NCBP3: variants seen among roughly 807,000 people sequenced by gnomAD.
NCBP3 encodes the protein nuclear cap-binding protein subunit 3.
Under a neutral mutation model 75.7 loss-of-function variants are expected in NCBP3, and 20 were observed. The ratio of observed to expected loss-of-function variants is 0.26; its 90% CI spans 0.19 to 0.38. The LOEUF is 0.38. Ranked by LOEUF, NCBP3 falls within the 10% of genes least tolerant of loss-of-function variation. NCBP3 has a pLI of 1.00. For missense variants in NCBP3, 678 were observed against 796.9 expected (o/e 0.85, Z 1.80); for synonymous variants, 293 against 290.5 (o/e 1.01, Z -0.09).
At chr17:3,837,323 C>T (rs573340682) in intron 3 of NCBP3, among the ~76,000 whole-genome samples, 3 of 151,694 alleles carry the variant, frequency 2.0e-5, no homozygotes, top group Non-Finnish European at 4.4e-5. Flanking sequence ...ATGGTGAAAC[C>T]CCATCTCTAC....
rs922226950 is a variant in NCBP3, at chr17:3,810,711, G to A, written c.*2333C>T. On this transcript the variant is annotated 3_prime_UTR_variant, in exon 13 of 13. Transcript: ENST00000389005. ...CCGAGAAGTAAAAATCTTTAAAGCT[G>A]CCTTTCTGGGTTCTCTCTGTGTGTC... 11 of 152,182 alleles carry A rather than the reference G, an allele frequency of 7.2e-5. No individual in the cohort carries two copies. Among genetic ancestry groups the A allele is most frequent in the African/African-American group, 1.4e-4 (6 of 41,436 alleles). 9.4% of individuals were successfully genotyped at this position (152,182 alleles called of 1,614,324 possible).
In NCBP3 at chr17:3,804,156, T is replaced by C. The variant is rs2053312436; in HGVS notation, c.*8888A>G. 6.6e-6 allele frequency: 1 copy of C among 152,220 alleles called. No homozygotes were observed. The highest frequency in any genetic ancestry group is 1.5e-5 in the Non-Finnish European group (1 of 68,032). The allele number at this position is 152,220 out of a possible 1,614,324, so 9.4% of individuals were successfully genotyped here. On this transcript the variant is annotated 3_prime_UTR_variant, in exon 13 of 13. Transcript: ENST00000389005. ...TTGGGAAAGCTTGAGCCCAGGAGTTTGAGTCCAATCTAGACAACATAGTAT... is the reference window on the plus strand; with the variant it reads ...TTGGGAAAGCTTGAGCCCAGGAGTTCGAGTCCAATCTAGACAACATAGTAT...
At chr17:3,834,245 A>G (rs1157411456) in intron 3 of NCBP3, among the ~76,000 whole-genome samples, 1 of 152,228 alleles carries the variant, frequency 6.6e-6, no homozygotes, top group African/African-American at 2.4e-5. Flanking sequence ...CTGACCATAG[A>G]CTGTCCAGGG....
rs1460094987 is a variant in NCBP3 at position 3,818,142 on chromosome 17, ACTC to A, written c.1310+118_1310+120del. On this transcript the variant is annotated intron_variant, in intron 10 of 12. Transcript: ENST00000389005. The surrounding 1 kb of genome is among the most constrained non-coding windows in gnomAD (Gnocchi z 4.7). ...AGGAAATACTGGATGCGTTTATTAA[ACTC>A]CTACAAGGGACTGAAATCAGAATAG... is the stretch of plus-strand genomic sequence containing the variant. 2.4e-6 allele frequency: 2 copies of A among 828,954 alleles called. No homozygotes were observed. The highest frequency in any genetic ancestry group is 5.8e-5 in the East Asian group (2 of 34,534). The allele number at this position is 828,954 out of a possible 1,614,324, so 51.3% of individuals were successfully genotyped here.
chr17:3,845,464 G>C (rs1485987871), intron 1 of NCBP3, among the ~76,000 whole-genome samples: 1 of 152,186 alleles, frequency 6.6e-6, no homozygotes, highest in African/African-American at 2.4e-5. Flanking sequence ...TTCATTAAGA[G>C]TCAGATGCTG....
In NCBP3 at chr17:3,809,610, G is replaced by A. The variant is rs1010098074; in HGVS notation, c.*3434C>T. 23 of 152,402 alleles carry A rather than the reference G, an allele frequency of 1.5e-4. No homozygotes were observed. Among genetic ancestry groups the A allele is most frequent in the African/African-American group, 4.8e-4 (20 of 41,576 alleles). 9.4% of individuals were successfully genotyped at this position (152,402 alleles called of 1,614,324 possible). Reference sequence around the variant, plus strand: ...AATCCCAGCTACTCTGGAGGCTGAGGCAGGAGAATCGCTTGAACCCCGGAG... The same window carrying A: ...AATCCCAGCTACTCTGGAGGCTGAGACAGGAGAATCGCTTGAACCCCGGAG... On this transcript the variant is annotated 3_prime_UTR_variant, in exon 13 of 13. Transcript: ENST00000389005.
intron 7 of NCBP3, chr17:3,824,013 G>T (rs2053722738): frequency 1.3e-5 from 2 of 152,252 alleles, no homozygotes; most frequent in South Asian, 4.1e-4. Flanking sequence ...TGGGAGGATA[G>T]AAGTAGTTTC....
chr17:3,838,156 T>C (rs546528696), intron 3 of NCBP3, among the ~76,000 whole-genome samples: 12 of 152,164 alleles, frequency 7.9e-5, no homozygotes, highest in Middle Eastern at 3.4e-3. Context: ...CCTAAAGAGC[T>C]CCAACAGATG....
In NCBP3 at chr17:3,816,304, C is replaced by T. The variant is rs762137172; in HGVS notation, c.1311-34G>A. The T allele has an allele frequency of 2.1e-5, 34 of 1,582,012 alleles. No individual in the cohort carries two copies. In the Middle Eastern group the frequency reaches 8.4e-4, roughly 39 times the overall value. ...AGGGGGTAGGATGGGGCACAGTTAA[C>T]CAACTTCAACTGTGAGACAAGACCC... On this transcript the variant is annotated intron_variant, in intron 10 of 12. Coordinates refer to ENST00000389005, the MANE Select transcript of NCBP3 (RefSeq NM_001114118.3).
In NCBP3 at chr17:3,835,130, G is replaced by A. The variant is rs78751881; in HGVS notation, c.355+4970C>T. Reference sequence around the variant, plus strand: ...GCTAGGAGCTGAAAGGTAGAGTTACGATGAAAATGCACTCAGCAGACTGAA... The same window carrying A: ...GCTAGGAGCTGAAAGGTAGAGTTACAATGAAAATGCACTCAGCAGACTGAA... On this transcript the variant is annotated intron_variant, in intron 3 of 12. Coordinates refer to ENST00000389005, the MANE Select transcript of NCBP3 (RefSeq NM_001114118.3). Among the ~76,000 whole-genome samples, 12 of 152,310 alleles carry A rather than the reference G, an allele frequency of 7.9e-5. No homozygotes were observed. In the East Asian group the frequency reaches 1.3e-3, roughly 17 times the overall value.
chr17:3,813,503 G>A (rs1216368514), intron 12 of NCBP3, among the ~76,000 whole-genome samples: 1 of 152,112 alleles, frequency 6.6e-6, no homozygotes, highest in Non-Finnish European at 1.5e-5. Context: ...CTCACCGTGG[G>A]GGGACAGGTC....
chr17:3,831,996 C>A (rs1427149744), intron 3 of NCBP3, among the ~76,000 whole-genome samples: 1 of 119,980 alleles, frequency 8.3e-6, no homozygotes, highest in African/African-American at 2.5e-5. Context: ...TCAGCCTGGA[C>A]AACATGATGA....
Position 3,813,207 on chromosome 17 carries a change from G to T in NCBP3, c.1700C>A (p.Ala567Glu). Residue 567 changes from alanine to glutamate, a missense_variant, in exon 13 of 13, where the codon GCG becomes GAG. Ala to Glu is a moderately radical substitution (Grantham distance 107). This residue lies in a region of NCBP3 where 365 missense variants were observed against 392.7 expected (regional missense o/e 0.93). Transcript: ENST00000389005. ...EKNTKKVDHRAPGAEEDDSEL... is the reference protein window; with the variant it reads ...EKNTKKVDHREPGAEEDDSEL... The stretch of plus-strand genomic sequence containing the variant: ...AGAGTCGTCTTCCTCAGCGCCAGGC[G>T]CCCTGTGATCCACTTTCTTCGTATT... The T allele has an allele frequency of 1.2e-6, 2 of 1,614,226 alleles. No individual in the cohort carries two copies. Among genetic ancestry groups the T allele is most frequent in the South Asian group, 2.2e-5 (2 of 91,090 alleles).
Position 3,804,165 on chromosome 17 carries a change from T to C in NCBP3, c.*8879A>G, listed in dbSNP as rs1199207440. ...CTTGAGCCCAGGAGTTTGAGTCCAATCTAGACAACATAGTATGAACCTGTC... is the reference window on the plus strand; with the variant it reads ...CTTGAGCCCAGGAGTTTGAGTCCAACCTAGACAACATAGTATGAACCTGTC... On this transcript the variant is annotated 3_prime_UTR_variant, in exon 13 of 13. Coordinates refer to ENST00000389005, the MANE Select transcript of NCBP3 (RefSeq NM_001114118.3). The C allele has an allele frequency of 1.3e-5, 2 of 152,126 alleles. No homozygotes were observed. Among genetic ancestry groups the C allele is most frequent in the African/African-American group, 2.4e-5 (1 of 41,424 alleles). The allele number at this position is 152,126 out of a possible 1,614,324, so 9.4% of individuals were successfully genotyped here. A position where few individuals can be genotyped will look rare whatever the true frequency, so the allele number is the denominator to read the frequency against.
Position 3,826,119 on chromosome 17 carries a change from C to A in NCBP3, c.578G>T (p.Ser193Ile). Residue 193 changes from serine to isoleucine, a missense_variant, in exon 5 of 13, where the codon AGT becomes ATT. Ser to Ile is a moderately radical substitution (Grantham distance 142). Transcript: ENST00000389005. The stretch of plus-strand genomic sequence containing the variant: ...CCTTTTCTCAGCTGACTTGTCCTCA[C>A]TGGCATCCCTGCTTCTGATCTTATC... ...AQDKIRSRDA[S>I]EDKSAEKRKK... is the part of the protein sequence containing the mutation. 3 of 1,551,634 alleles carry A rather than the reference C, an allele frequency of 1.9e-6. No homozygotes were observed. The highest frequency in any genetic ancestry group is 2.4e-5 in the South Asian group (2 of 84,060).
At chr17:3,837,045 G>A (rs1393620077) in intron 3 of NCBP3, among the ~76,000 whole-genome samples, 1 of 151,900 alleles carries the variant, frequency 6.6e-6, no homozygotes, top group Non-Finnish European at 1.5e-5. Context: ...CTACTCGGGA[G>A]GCTGAGGCAG....
chr17:3,843,723 T>G (rs1224617281), intron 1 of NCBP3, among the ~76,000 whole-genome samples: 1 of 152,202 alleles, frequency 6.6e-6, no homozygotes, highest in Non-Finnish European at 1.5e-5. Flanking sequence ...ATTTTTTTAT[T>G]TTTAGTAGAG....
intron 1 of NCBP3, among the ~76,000 whole-genome samples, chr17:3,843,801 T>G (rs1026892360): frequency 2.6e-5 from 4 of 152,290 alleles, no homozygotes; most frequent in Middle Eastern, 3.4e-3. Context: ...TGTCTCAGCC[T>G]CCCAAAGTGC....
rs535962912 is a variant in NCBP3 at position 3,826,090 on chromosome 17, T to C, written c.607A>G (p.Lys203Glu). 6.4e-7 allele frequency: 1 copy of C among 1,551,140 alleles called. No individual in the cohort carries two copies. Among genetic ancestry groups the C allele is most frequent in the African/African-American group, 1.4e-5 (1 of 73,104 alleles). ...GTTCCCTCCTTTGTGTTGTTACCTT[T>C]TTTCCTTTTCTCAGCTGACTTGTCC... is the stretch of plus-strand genomic sequence containing the variant. ...SEDKSAEKRK[K>E]DKQEDSSDDD... The change falls in exon 5 of 13, where the codon AAA (lysine) becomes GAA (glutamate). Residue 203 changes from lysine to glutamate, a missense_variant. Lys to Glu is a moderately conservative substitution (Grantham distance 56). This residue lies in a region of NCBP3 where 98 missense variants were observed against 101.8 expected (regional missense o/e 0.96). Coordinates refer to ENST00000389005, the MANE Select transcript of NCBP3 (RefSeq NM_001114118.3).
Sources: gnomAD v4.1 joint callset for allele counts (sites outside exome capture counted in the v4.1 genomes callset) on GRCh38, gnomAD v4.1.1 for gene constraint, gnomAD v4.1.1 regional missense constraint, Gnocchi (gnomAD v3.1) non-coding constraint, MANE v1.5 for transcripts, NCBI Gene and HGNC (gene_info 2026-07-23, HGNC 2026-07-21) for gene names.